The following ABCB6 variants were observed in gnomAD, a reference collection of about 807,000 sequenced individuals.
ABCB6 encodes ATP-binding cassette sub-family B member 6.
ABCB6 carries 87 observed loss-of-function variants against 99.4 expected under a neutral mutation model. The ratio of observed to expected loss-of-function variants is 0.88; its 90% confidence interval spans 0.74 to 1.05. The LOEUF is 1.05. ABCB6 is among the 50% of genes least tolerant of loss of function. The probability of loss-of-function intolerance (pLI) is 0.00; values close to 1 mark genes in which losing one functional copy is unlikely to be tolerated. For missense variants in ABCB6, 1,050 were observed against 1,097.9 expected (o/e 0.96, Z 0.62); for synonymous variants, 482 against 447.5 (o/e 1.08, Z -0.97).
Position 219,209,965 on chromosome 2 carries a change from G to A in ABCB6, c.2502C>T (p.Asp834=). 1.2e-6 allele frequency: 2 copies of A among 1,614,184 alleles called. No individual in the cohort carries two copies. The highest frequency in any genetic ancestry group is 8.5e-7 in the Non-Finnish European group (1 of 1,180,006). The change falls in exon 19 of 19, where the codon GAC becomes GAT. Residue 834 remains aspartate (D), a synonymous_variant. Transcript: ENST00000265316. The part of the protein sequence containing the change: ...LQQGQEETSE[D]TKPQTMER The stretch of plus-strand genomic sequence containing the variant: ...ACCGTTCCATGGTCTGAGGCTTAGT[G>A]TCTTCAGAGGTTTCTTCCTGTCCCT...
chr2:219,218,926 G>A lies in ABCB6; in HGVS notation c.-253C>T. On this transcript the variant is annotated 5_prime_UTR_variant, in exon 1 of 19. Transcript: ENST00000265316. ...CACGGCCCCGCTGGCTCTGGGCCCG[G>A]GACCCTCCTGCCAACTGCAGGCCCA... 2.1e-6 allele frequency: 1 copy of A among 475,034 alleles called. No individual in the cohort carries two copies. Among genetic ancestry groups the A allele is most frequent in the Non-Finnish European group, 3.7e-6 (1 of 270,462 alleles). The allele number at this position is 475,034 out of a possible 1,614,324, so 29.4% of individuals were successfully genotyped here.
intron 12 of ABCB6, 51 bp from the exon 13 acceptor site, chr2:219,213,116 G>A (rs1574812023): frequency 6.2e-7 from 1 of 1,608,108 alleles, no homozygotes; most frequent in South Asian, 1.1e-5. Context: ...CACCAGAGCT[G>A]CTAGTAGGCC....
chr2:219,215,351 T>C (rs1016139888), intron 5 of ABCB6: 5 of 402,806 alleles, frequency 1.2e-5, no homozygotes, highest in African/African-American at 4.1e-5. Flanking sequence ...CTGAGAATGA[T>C]GGCTATGTCA....
Position 219,214,160 on chromosome 2 carries a change from G to A in ABCB6, c.1413C>T (p.Tyr471=), listed in dbSNP as rs141029409. The A allele has an allele frequency of 8.0e-5, 129 of 1,614,164 alleles. No homozygotes were observed. Among genetic ancestry groups the A allele is most frequent in the Non-Finnish European group, 1.0e-4 (118 of 1,180,046 alleles). Residue 471 remains tyrosine, a synonymous_variant, in exon 8 of 19, where the codon TAC becomes TAT. Coordinates refer to ENST00000265316, the MANE Select transcript of ABCB6 (RefSeq NM_005689.4). ...TGGCCTCTCGATAGCGTTCCACTTC[G>A]TAACTCTCGGCGTTGTAATACTTCA... is the stretch of plus-strand genomic sequence containing the variant. ...ETVKYYNAES[Y]EVERYREAII...
Position 219,218,735 on chromosome 2 carries a change from A to G in ABCB6, c.-62T>C. The G allele has an allele frequency of 1.4e-6, 2 of 1,463,904 alleles. No individual in the cohort carries two copies. Among genetic ancestry groups the G allele is most frequent in the Non-Finnish European group, 1.8e-6 (2 of 1,106,070 alleles). The allele number at this position is 1,463,904 out of a possible 1,614,324, so 90.7% of individuals were successfully genotyped here. On this transcript the variant is annotated 5_prime_UTR_variant, in exon 1 of 19. An upstream open reading frame in the 5' UTR loses its in-frame stop. Transcript: ENST00000265316. Reference sequence around the variant, plus strand: ...GCGGGACCGGAGGCCGGGACTGGTCACTCGGAGAGGGGCGCGGACATCCGG... The same window carrying G: ...GCGGGACCGGAGGCCGGGACTGGTCGCTCGGAGAGGGGCGCGGACATCCGG...
chr2:219,215,890 TG>T, intron 5 of ABCB6, 106 bp downstream of exon 5: 1 of 1,230,084 alleles, frequency 8.1e-7, no homozygotes. Flanking sequence ...AACACCAAGG[TG>T]GGAGCGGCAG....
In ABCB6 at chr2:219,218,487, ACAGCGAAT is replaced by A; in HGVS notation, c.179_186del (p.Asp60ValfsTer99). 1 of 1,608,750 alleles carries A rather than the reference ACAGCGAAT, an allele frequency of 6.2e-7. No individual in the cohort carries two copies. Among genetic ancestry groups the A allele is most frequent in the Non-Finnish European group, 8.5e-7 (1 of 1,178,110 alleles). ...GAGATGCGAGGGCCGGCCCCCCAAG[ACAGCGAAT>A]CAGCACCAGCGGGCCGCTCCCGGCG... On this transcript the variant is annotated frameshift_variant, in exon 1 of 19. Coordinates refer to ENST00000265316, the MANE Select transcript of ABCB6 (RefSeq NM_005689.4). LOFTEE classifies it high-confidence loss of function.
chr2:219,213,083 G>A lies in ABCB6; in HGVS notation c.1806-18C>T. 6.2e-7 allele frequency: 1 copy of A among 1,613,350 alleles called. No individual in the cohort carries two copies. Among genetic ancestry groups the A allele is most frequent in the South Asian group, 1.1e-5 (1 of 90,970 alleles). ...TCTCCCGCCTGCAAGGAAAGGTGGGGTTGCTCAGCAGGCACCTTCCATCAC... is the reference window on the plus strand; with the variant it reads ...TCTCCCGCCTGCAAGGAAAGGTGGGATTGCTCAGCAGGCACCTTCCATCAC... On this transcript the variant is annotated intron_variant, in intron 12 of 18. Transcript: ENST00000265316.
At chr2:219,217,986 G>A in intron 1 of ABCB6, 139 bp downstream of exon 1, 18 of 1,361,578 alleles carry the variant, frequency 1.3e-5, no homozygotes, top group Non-Finnish European at 1.8e-5. Flanking sequence ...CTGGCTATCA[G>A]CTCCCGGCAG....
rs769979114 is a variant in ABCB6 at position 219,213,672 on chromosome 2, G to A, written c.1579-6C>T. 2 of 1,614,128 alleles carry A rather than the reference G, an allele frequency of 1.2e-6. No homozygotes were observed. Among genetic ancestry groups the A allele is most frequent in the Non-Finnish European group, 8.5e-7 (1 of 1,180,020 alleles). ...AAGAGCACATAGTCCCCAACCTGTG[G>A]CAATCAAGGAAGCAGAGCATGTCAC... is the stretch of plus-strand genomic sequence containing the variant. On this transcript the variant is annotated splice_polypyrimidine_tract_variant and splice_region_variant and intron_variant, in intron 9 of 18. Coordinates refer to ENST00000265316, the MANE Select transcript of ABCB6 (RefSeq NM_005689.4).
At chr2:219,217,227 T>C (rs1426310576) in intron 2 of ABCB6, among the ~76,000 whole-genome samples, 1 of 152,162 alleles carries the variant, frequency 6.6e-6, no homozygotes, top group Non-Finnish European at 1.5e-5. Context: ...GGTACACACC[T>C]GTAATCCCAG....
At chr2:219,217,920 TAA>T (rs373957284) in intron 1 of ABCB6, 113 bp from the exon 2 acceptor site, 32,212 of 1,114,198 alleles carry the variant, frequency 0.029, no homozygotes, top group South Asian at 0.044. Flanking sequence ...CTTACAGGCT[TAA>T]AAAAAAAAAA....
chr2:219,218,287 C>T lies in ABCB6; in HGVS notation c.387G>A (p.Arg129=). The T allele has an allele frequency of 1.2e-6, 2 of 1,613,204 alleles. No homozygotes were observed. Among genetic ancestry groups the T allele is most frequent in the Non-Finnish European group, 8.5e-7 (1 of 1,180,044 alleles). The change falls in exon 1 of 19, where the codon CGG becomes CGA. Residue 129 remains arginine (R), a synonymous_variant. Coordinates refer to ENST00000265316, the MANE Select transcript of ABCB6 (RefSeq NM_005689.4). ...TTGCCAGACGCTGCCGTGCCTGGCT[C>T]CGCTCCACGACAAGCAGCCACAGGC... ...ACGLWLLVVE[R]SQARQRLAMG...
Position 219,210,845 on chromosome 2 carries a change from C to T in ABCB6, c.2144-22G>A, listed in dbSNP as rs201427976. 295 of 1,613,628 alleles carry T rather than the reference C, an allele frequency of 1.8e-4. 1 individual carries two copies. The highest frequency in any genetic ancestry group is 1.1e-4 in the Non-Finnish European group (124 of 1,179,824). ...TACCCTGTGGATATTACCCACCACA[C>T]GTTTCTTACGAAACGGAGGGAACAG... On this transcript the variant is annotated intron_variant, in intron 15 of 18. Transcript: ENST00000265316.
chr2:219,211,621 C>CTT (rs34408255), intron 14 of ABCB6, among the ~76,000 whole-genome samples: 2 of 87,860 alleles, frequency 2.3e-5, no homozygotes, highest in South Asian at 4.4e-4. Context: ...ATCGTTGTAC[C>CTT]TTTTTTTTTT....
rs1326592920 is a variant in ABCB6, at chr2:219,218,133, C to T, written c.541G>A (p.Gly181Ser). ...CCCACAGAGTCCCTCACCTGCTGGCCCAAGTCTGCCCTTGCCCACCACCAC... is the reference window on the plus strand; with the variant it reads ...CCCACAGAGTCCCTCACCTGCTGGCTCAAGTCTGCCCTTGCCCACCACCAC... ...PQWWWARADL[G>S]QQVQFSLWVL... Residue 181 changes from glycine (G) to serine (S), a missense_variant, in exon 1 of 19, where the codon GGC becomes AGC. By Grantham distance (56) the Gly-to-Ser change is moderately conservative. Transcript: ENST00000265316. The T allele has an allele frequency of 6.2e-7, 1 of 1,603,200 alleles. No homozygotes were observed. Among genetic ancestry groups the T allele is most frequent in the Non-Finnish European group, 8.5e-7 (1 of 1,174,148 alleles).
rs534512732 is a variant in ABCB6 at position 219,217,645 on chromosome 2, A to G, written c.687+25T>C. On this transcript the variant is annotated intron_variant, in intron 2 of 18. Coordinates refer to ENST00000265316, the MANE Select transcript of ABCB6 (RefSeq NM_005689.4). ...GTGACAGAGCAAGACTCCGTCTCCA[A>G]AAAAAAAAAGAAACTGAGGTGTACC... 4.1e-6 allele frequency: 6 copies of G among 1,459,274 alleles called. No individual in the cohort carries two copies. The East Asian group carries it at 1.5e-4, about 36-fold the overall frequency. 90.4% of individuals were successfully genotyped at this position (1,459,274 alleles called of 1,614,324 possible). A position where few individuals can be genotyped will look rare whatever the true frequency, so the allele number is the denominator to read the frequency against.
intron 16 of ABCB6, 75 bp from the exon 17 acceptor site, chr2:219,210,550 G>A (rs1950563717): frequency 1.3e-6 from 2 of 1,592,686 alleles, no homozygotes; most frequent in Non-Finnish European, 8.6e-7. Context: ...TGCTGGCTGA[G>A]GCCTCAAGAA....
chr2:219,210,127 G>C, intron 18 of ABCB6, 81 bp from the exon 19 acceptor site: 2 of 1,596,486 alleles, frequency 1.3e-6, no homozygotes, highest in Non-Finnish European at 1.7e-6. Context: ...GAGAGGACGG[G>C]ATGGGAAGGG....
Sources: gnomAD v4.1 joint callset for allele counts (sites outside exome capture counted in the v4.1 genomes callset) on GRCh38, gnomAD v4.1.1 for gene constraint, MANE v1.5 for transcripts, NCBI Gene and HGNC (gene_info 2026-07-23, HGNC 2026-07-21) for gene names.